RBMS3: variants seen among roughly 807,000 people sequenced by gnomAD.
The protein encoded by RBMS3 is RNA binding motif single stranded interacting protein 3, also known as RNA-binding motif, single-stranded-interacting protein 3.
In RBMS3, 27 loss-of-function variants were observed where a neutral mutation model predicts 66.8. The ratio of observed to expected loss-of-function variants is 0.40; its 90% CI spans 0.30 to 0.56. The LOEUF (loss-of-function observed/expected upper bound fraction) is 0.56. RBMS3 is among the 20% of genes least tolerant of loss of function. RBMS3 has a pLI of 0.40. For synonymous variants in RBMS3, 188 were observed against 183.0 expected (o/e 1.03, Z -0.22); for missense variants, 513 against 549.5 (o/e 0.93, Z 0.66).
chr3:29,990,956 T>C (rs1158676664), intron 13 of RBMS3, 126 bp from the exon 14 acceptor site: 2 of 830,396 alleles, frequency 2.4e-6, no homozygotes, highest in East Asian at 2.6e-5. Flanking sequence ...TGAGTACTTA[T>C]TGTGACTTCA....
intron 3 of RBMS3, among the ~76,000 whole-genome samples, chr3:29,564,615 T>G: frequency 6.6e-6 from 1 of 152,240 alleles, no homozygotes; most frequent in East Asian, 1.9e-4. Context: ...ATATAGCATA[T>G]AGTATGTAAC....
intron 4 of RBMS3, among the ~76,000 whole-genome samples, chr3:29,611,284 G>A (rs577329937): frequency 1.7e-3 from 255 of 152,112 alleles, no homozygotes; most frequent in African/African-American, 5.8e-3. Flanking sequence ...GTAAAAATCC[G>A]TTTAGAAGGC....
intron 3 of RBMS3, among the ~76,000 whole-genome samples, chr3:29,491,444 T>C (rs2043540185): frequency 6.6e-6 from 1 of 152,240 alleles, no homozygotes; most frequent in African/African-American, 2.4e-5. Context: ...GTTTTTTATA[T>C]CAACTTTTTG....
Position 29,281,742 on chromosome 3 carries a change from T to G in RBMS3, c.61T>G (p.Tyr21Asp), listed in dbSNP as rs1273898655. 6.2e-7 allele frequency: 1 copy of G among 1,612,786 alleles called. No individual in the cohort carries two copies. The highest frequency in any genetic ancestry group is 1.3e-5 in the African/African-American group (1 of 74,834). ...YPQYTYYYPH[Y>D]LQTKQSYAPA... is the part of the protein sequence containing the mutation. ...CCAGTACACTTACTACTATCCTCAT[T>G]ATCTCCAAACCAAGGTATGGCTTGA... The change falls in exon 1 of 15, where the codon TAT (tyrosine) becomes GAT (aspartate). Residue 21 changes from tyrosine (Y) to aspartate (D), a missense_variant. Transcript: ENST00000383767.
At chr3:29,746,494 ATTC>A (rs900974665) in intron 5 of RBMS3, among the ~76,000 whole-genome samples, 7 of 152,236 alleles carry the variant, frequency 4.6e-5, no homozygotes, top group South Asian at 2.1e-4. Context: ...GGTAATTTTA[ATTC>A]TTCTTCTAAT....
intron 1 of RBMS3, among the ~76,000 whole-genome samples, chr3:29,290,286 G>A (rs970205764): frequency 6.6e-6 from 1 of 151,788 alleles, no homozygotes; most frequent in Non-Finnish European, 1.5e-5. Context: ...AAGTATTTAA[G>A]AGACTTGGAA....
intron 2 of RBMS3, among the ~76,000 whole-genome samples, chr3:29,473,855 C>T (rs948161692): frequency 3.0e-4 from 46 of 152,364 alleles, no homozygotes; most frequent in Admixed American, 8.5e-4. Flanking sequence ...AAGCGCCGCG[C>T]GCAGCCCCGG....
chr3:29,915,088 C>T (rs1356965927), intron 10 of RBMS3, among the ~76,000 whole-genome samples: 1 of 151,634 alleles, frequency 6.6e-6, no homozygotes. Flanking sequence ...ATTGTGAATG[C>T]AGGGATTTAT....
intron 4 of RBMS3, among the ~76,000 whole-genome samples, chr3:29,699,689 G>A (rs764576623): frequency 4.6e-5 from 7 of 151,994 alleles, no homozygotes; most frequent in Non-Finnish European, 7.4e-5. Context: ...TTTAGTGTCC[G>A]CATAGTATGG....
At chr3:29,613,319 C>CT (rs1457865342) in intron 4 of RBMS3, among the ~76,000 whole-genome samples, 1 of 152,066 alleles carries the variant, frequency 6.6e-6, no homozygotes, top group African/African-American at 2.4e-5. Flanking sequence ...TGCAGGTGTT[C>CT]TTTTTTCTGC....
intron 1 of RBMS3, among the ~76,000 whole-genome samples, chr3:29,297,773 G>T (rs1422276820): frequency 6.6e-6 from 1 of 151,812 alleles, no homozygotes; most frequent in Non-Finnish European, 1.5e-5. Context: ...ATAAATTAGA[G>T]GGGAGAAAAG....
intron 3 of RBMS3, among the ~76,000 whole-genome samples, chr3:29,502,525 C>G (rs1559416685): frequency 6.6e-6 from 1 of 152,138 alleles, no homozygotes. Context: ...TATTCTCCCA[C>G]TTCCATCCCA....
chr3:29,463,711 A>G (rs138764115), intron 2 of RBMS3, among the ~76,000 whole-genome samples: 2,758 of 152,062 alleles, frequency 0.018, 41 homozygotes, highest in Middle Eastern at 0.051. Flanking sequence ...AACCCTTAGC[A>G]TTAGTCCAAG....
At chr3:29,649,326 T>G (rs545326761) in intron 4 of RBMS3, among the ~76,000 whole-genome samples, 7 of 152,230 alleles carry the variant, frequency 4.6e-5, no homozygotes, top group Non-Finnish European at 8.8e-5. Context: ...ACAATTTCCA[T>G]TTGATGGAGT....
chr3:29,442,775 T>G (rs1575826155), intron 2 of RBMS3, among the ~76,000 whole-genome samples: 1 of 152,108 alleles, frequency 6.6e-6, no homozygotes, highest in Non-Finnish European at 1.5e-5. Flanking sequence ...TTAATTAAGC[T>G]CTCTGTTACT....
intron 2 of RBMS3, among the ~76,000 whole-genome samples, chr3:29,461,333 T>G (rs1036502277): frequency 2.6e-5 from 4 of 152,232 alleles, no homozygotes; most frequent in Non-Finnish European, 5.9e-5. Flanking sequence ...CTGTTTTCTC[T>G]TCTCCATTCC....
intron 2 of RBMS3, among the ~76,000 whole-genome samples, chr3:29,444,418 A>G (rs1360400069): frequency 6.6e-6 from 1 of 152,092 alleles, no homozygotes; most frequent in Non-Finnish European, 1.5e-5. Flanking sequence ...ATACATAGGG[A>G]GTGTGTATAA....
intron 4 of RBMS3, among the ~76,000 whole-genome samples, chr3:29,690,515 T>C (rs2051956659): frequency 6.6e-6 from 1 of 152,246 alleles, no homozygotes; most frequent in African/African-American, 2.4e-5. Flanking sequence ...TAATCAATTA[T>C]CTCTAATCAA....
At chr3:29,794,714 G>A (rs528067901) in intron 6 of RBMS3, among the ~76,000 whole-genome samples, 11 of 152,308 alleles carry the variant, frequency 7.2e-5, no homozygotes, top group African/African-American at 2.6e-4. Context: ...GACCTATGAA[G>A]CACTACTCGT....
Sources: allele counts gnomAD v4.1 joint callset (sites outside exome capture counted in the v4.1 genomes callset), GRCh38; gene constraint gnomAD v4.1.1; transcripts MANE v1.5; gene names NCBI Gene and HGNC (gene_info 2026-07-23, HGNC 2026-07-21).